The following CACNA2D3 variants were observed in gnomAD, a reference collection of about 807,000 sequenced individuals.
CACNA2D3 encodes calcium voltage-gated channel auxiliary subunit alpha2delta 3, also known as voltage-dependent calcium channel subunit alpha-2/delta-3.
In CACNA2D3, 60 loss-of-function variants were observed where a neutral mutation model predicts 160.6. The ratio of observed to expected loss-of-function variants is 0.37; its 90% CI spans 0.30 to 0.46. The LOEUF (loss-of-function observed/expected upper bound fraction) is 0.46, where lower values mean the gene tolerates loss of function less well. CACNA2D3 is among the 20% of genes least tolerant of loss of function. The probability of loss-of-function intolerance (pLI) is 1.00; values close to 1 mark genes in which losing one functional copy is unlikely to be tolerated. For synonymous variants in CACNA2D3, 558 were observed against 492.9 expected (o/e 1.13, Z -1.75); for missense variants, 1,205 against 1,365.0 (o/e 0.88, Z 1.85).
At chr3:54,643,278 T>G (rs1699563615) in intron 11 of CACNA2D3, among the ~76,000 whole-genome samples, 1 of 152,228 alleles carries the variant, frequency 6.6e-6, no homozygotes, top group African/African-American at 2.4e-5. Flanking sequence ...GCACATACTC[T>G]GAACATGAGA....
chr3:54,485,568 C>CT (rs111371057), intron 4 of CACNA2D3, among the ~76,000 whole-genome samples: 3,054 of 141,220 alleles, frequency 0.022, 75 homozygotes, highest in Admixed American at 0.072. Flanking sequence ...ATAATAGACA[C>CT]TTTTTTTTTT....
intron 35 of CACNA2D3, among the ~76,000 whole-genome samples, chr3:55,063,916 C>T (rs1337723318): frequency 6.6e-6 from 1 of 152,192 alleles, no homozygotes; most frequent in Non-Finnish European, 1.5e-5. Context: ...TTGTGGGCTG[C>T]TTGTTTAAAA....
chr3:54,617,947 T>A (rs2106798298), intron 9 of CACNA2D3, among the ~76,000 whole-genome samples: 1 of 150,274 alleles, frequency 6.7e-6, no homozygotes, highest in Non-Finnish European at 1.5e-5. Flanking sequence ...TATGTAGAGT[T>A]TGGGTTTTTT....
intron 2 of CACNA2D3, among the ~76,000 whole-genome samples, chr3:54,191,831 A>C (rs1462487628): frequency 2.0e-5 from 3 of 152,212 alleles, no homozygotes; most frequent in Non-Finnish European, 2.9e-5. Context: ...GAATGTACAC[A>C]GAGCCCAGAT....
Position 54,314,625 on chromosome 3 carries a change from T to C in CACNA2D3, c.205-5817T>C, listed in dbSNP as rs375549446. ...CTTGCAGGAGTAAGGTGGTTTCGCA[T>C]TGTGGTTTTGATTTGCATTTTTCTG... is the stretch of plus-strand genomic sequence containing the variant. On this transcript the variant is annotated intron_variant, in intron 2 of 37. Coordinates refer to ENST00000474759, the MANE Select transcript of CACNA2D3 (RefSeq NM_018398.3). Among the ~76,000 whole-genome samples the C allele has an allele frequency of 5.9e-5, 9 of 152,354 alleles. No homozygotes were observed. In the East Asian group the frequency reaches 1.2e-3, roughly 20 times the overall value.
rs117180735 is a variant in CACNA2D3 at position 54,253,548 on chromosome 3, C to T, written c.205-66894C>T. ...GGTACTAAACCATTCATGAGTGATC[C>T]GGTCACCTTCCACCAGGGCCCACCT... is the stretch of plus-strand genomic sequence containing the variant. On this transcript the variant is annotated intron_variant, in intron 2 of 37. Transcript: ENST00000474759. Among the ~76,000 whole-genome samples, 456 of 152,232 alleles carry T rather than the reference C, an allele frequency of 3.0e-3. 10 individuals are homozygous for T. In the East Asian group the frequency reaches 0.046, roughly 15 times the overall value.
chr3:54,329,367 G>A (rs1259955907), intron 3 of CACNA2D3, among the ~76,000 whole-genome samples: 2 of 152,128 alleles, frequency 1.3e-5, no homozygotes, highest in Admixed American at 6.5e-5. Context: ...ATAACTTAAA[G>A]TGAGGGTGAT....
intron 5 of CACNA2D3, among the ~76,000 whole-genome samples, chr3:54,541,412 AAG>A (rs1208116176): frequency 6.6e-6 from 1 of 152,100 alleles, no homozygotes; most frequent in Non-Finnish European, 1.5e-5. Context: ...ACCAAGCAAA[AAG>A]GACTGCCAAC....
intron 5 of CACNA2D3, among the ~76,000 whole-genome samples, chr3:54,561,010 T>G (rs1385310401): frequency 6.6e-6 from 1 of 152,254 alleles, no homozygotes; most frequent in Non-Finnish European, 1.5e-5. Flanking sequence ...TCAGATACTG[T>G]GATGCCTCTA....
chr3:54,891,891 C>T (rs1486188686), intron 25 of CACNA2D3, among the ~76,000 whole-genome samples: 1 of 152,214 alleles, frequency 6.6e-6, no homozygotes, highest in Admixed American at 6.5e-5. Flanking sequence ...TACTAATAAA[C>T]CTCTGCCTCT....
chr3:54,563,375 C>A (rs1014704599), intron 6 of CACNA2D3, among the ~76,000 whole-genome samples: 2 of 152,088 alleles, frequency 1.3e-5, no homozygotes, highest in Admixed American at 6.6e-5. Flanking sequence ...ATTTGTCCAC[C>A]CAAGAGCTGA....
chr3:54,455,615 G>A (rs1014105464), intron 4 of CACNA2D3, among the ~76,000 whole-genome samples: 2 of 151,872 alleles, frequency 1.3e-5, no homozygotes, highest in Non-Finnish European at 2.9e-5. Flanking sequence ...TCTGTTGTCT[G>A]TGCTTTTAAG....
intron 2 of CACNA2D3, among the ~76,000 whole-genome samples, chr3:54,298,616 T>C (rs1465270932): frequency 2.6e-5 from 4 of 152,090 alleles, no homozygotes; most frequent in Non-Finnish European, 5.9e-5. Context: ...CTGGGTAACA[T>C]GGCAAAACCT....
intron 4 of CACNA2D3, among the ~76,000 whole-genome samples, chr3:54,403,542 T>G (rs1379305566): frequency 4.0e-5 from 6 of 151,660 alleles, no homozygotes; most frequent in East Asian, 1.9e-4. Flanking sequence ...TTTCAAATAA[T>G]AAGAAGAAAG....
At chr3:54,170,048 C>T (rs1559870663) in intron 2 of CACNA2D3, among the ~76,000 whole-genome samples, 1 of 151,808 alleles carries the variant, frequency 6.6e-6, no homozygotes, top group Non-Finnish European at 1.5e-5. Flanking sequence ...ATTAGCCAGG[C>T]GTGGTGGTGG....
intron 27 of CACNA2D3, among the ~76,000 whole-genome samples, chr3:54,963,506 A>C (rs1702078805): frequency 6.6e-6 from 1 of 152,238 alleles, no homozygotes; most frequent in Non-Finnish European, 1.5e-5. Flanking sequence ...AATTGTGAAT[A>C]TTATTTAATT....
rs547542341 is a variant in CACNA2D3 at position 54,943,197 on chromosome 3, C to G, written c.2450-25253C>G. On this transcript the variant is annotated intron_variant, in intron 27 of 37. Coordinates refer to ENST00000474759, the MANE Select transcript of CACNA2D3 (RefSeq NM_018398.3). ...AGCCTGGGTAATAGCAACACGCTAT[C>G]TCTGGTAAAAAAAAAAAAAATGAGA... is the stretch of plus-strand genomic sequence containing the variant. Among the ~76,000 whole-genome samples the G allele has an allele frequency of 6.0e-3, 693 of 115,020 alleles. 3 individuals are homozygous for G. The highest frequency in any genetic ancestry group is 0.02 in the African/African-American group (661 of 33,472). 75.5% of individuals were successfully genotyped at this position (115,020 alleles called of 152,430 possible). A position where few individuals can be genotyped will look rare whatever the true frequency, so the allele number is the denominator to read the frequency against.
intron 4 of CACNA2D3, among the ~76,000 whole-genome samples, chr3:54,455,811 G>A (rs574446654): frequency 6.6e-6 from 1 of 152,174 alleles, no homozygotes; most frequent in African/African-American, 2.4e-5. Flanking sequence ...AGTATTTCCA[G>A]CACCATTTAT....
intron 8 of CACNA2D3, among the ~76,000 whole-genome samples, chr3:54,577,620 A>G (rs542516990): frequency 6.2e-5 from 9 of 146,132 alleles, no homozygotes; most frequent in African/African-American, 2.2e-4. Context: ...CACACATCAC[A>G]CTCACATATA....
Sources: allele counts gnomAD v4.1 joint callset (sites outside exome capture counted in the v4.1 genomes callset), GRCh38; gene constraint gnomAD v4.1.1; transcripts MANE v1.5; gene names NCBI Gene and HGNC (gene_info 2026-07-23, HGNC 2026-07-21).